The following GALNT13 variants were observed in gnomAD, a reference collection of about 807,000 sequenced individuals.
GALNT13 encodes polypeptide N-acetylgalactosaminyltransferase 13.
Under a neutral mutation model 64.2 loss-of-function variants are expected in GALNT13, and 28 were observed. The ratio of observed to expected loss-of-function variants is 0.44; its 90% CI spans 0.32 to 0.60. The LOEUF is 0.60. GALNT13 is among the 20% of genes least tolerant of loss of function. GALNT13 has a pLI of 0.05. For missense variants in GALNT13, 577 were observed against 669.8 expected, an observed-to-expected ratio of 0.86 and a Z score of 1.53; for synonymous variants, 214 against 224.6, an observed-to-expected ratio of 0.95 and a Z score of 0.42.
the GALNT13 span, among the ~76,000 whole-genome samples, chr2:153,361,707 A>C: frequency 6.6e-6 from 1 of 152,196 alleles, no homozygotes; most frequent in Non-Finnish European, 1.5e-5. Flanking sequence ...AAAACCTCTG[A>C]GAAATATGGG....
At chr2:153,071,899 C>T in the GALNT13 span, among the ~76,000 whole-genome samples, 2 of 152,130 alleles carry the variant, frequency 1.3e-5, no homozygotes, top group African/African-American at 2.4e-5. Flanking sequence ...ATAGTTCTAT[C>T]TGGTTCTTTA....
the GALNT13 span, among the ~76,000 whole-genome samples, chr2:153,253,801 G>T: frequency 6.6e-6 from 1 of 151,578 alleles, no homozygotes; most frequent in South Asian, 2.1e-4. Flanking sequence ...AATCAGCCCT[G>T]CATCCCAGGG....
intron 3 of GALNT13, among the ~76,000 whole-genome samples, chr2:154,038,767 A>T (rs145323368): frequency 1.5e-4 from 23 of 152,264 alleles, no homozygotes; most frequent in Middle Eastern, 6.8e-3. Context: ...CAAAAGGGAC[A>T]TTATAAGCTA....
At chr2:153,476,886 C>T in the GALNT13 span, among the ~76,000 whole-genome samples, 7 of 152,134 alleles carry the variant, frequency 4.6e-5, no homozygotes, top group Admixed American at 6.5e-5. Flanking sequence ...CGCCCCCCGG[C>T]CCCACCCGTG....
At chr2:153,362,710 C>T in the GALNT13 span, among the ~76,000 whole-genome samples, 2 of 152,146 alleles carry the variant, frequency 1.3e-5, no homozygotes, top group African/African-American at 2.4e-5. Context: ...TATATGCACC[C>T]AGTACAGGAG....
chr2:154,401,642 T>C (rs2194379), intron 10 of GALNT13, among the ~76,000 whole-genome samples: 99,300 of 152,040 alleles, frequency 0.65, 32,987 homozygotes, highest in Admixed American at 0.73. Context: ...AAATTCATTC[T>C]AATTTTATTA....
chr2:153,610,160 T>C, the GALNT13 span, among the ~76,000 whole-genome samples: 1 of 152,054 alleles, frequency 6.6e-6, no homozygotes, highest in Admixed American at 6.6e-5. Flanking sequence ...ATAAAGAAAT[T>C]GGGTTTTTGG....
chr2:154,077,653 A>G (rs1401203113), intron 3 of GALNT13, among the ~76,000 whole-genome samples: 2 of 151,534 alleles, frequency 1.3e-5, no homozygotes, highest in African/African-American at 4.8e-5. Context: ...TGTGGCAAGT[A>G]GTTTAAAATG....
chr2:153,256,300 C>T, the GALNT13 span, among the ~76,000 whole-genome samples: 6 of 152,210 alleles, frequency 3.9e-5, no homozygotes, highest in South Asian at 1.2e-3. Context: ...GTTCTCGAGC[C>T]TTGGTTTTCA....
chr2:154,418,612 A>C (rs531989794), intron 11 of GALNT13, among the ~76,000 whole-genome samples: 1 of 152,102 alleles, frequency 6.6e-6, no homozygotes, highest in East Asian at 1.9e-4. Context: ...CTGATACCTG[A>C]TTCCCACCCA....
chr2:153,265,155 C>G, the GALNT13 span, among the ~76,000 whole-genome samples: 1 of 152,114 alleles, frequency 6.6e-6, no homozygotes, highest in Non-Finnish European at 1.5e-5. Context: ...AGGGGTGATG[C>G]AAGCACTCCC....
the GALNT13 span, among the ~76,000 whole-genome samples, chr2:153,342,337 T>C: frequency 6.6e-6 from 1 of 152,160 alleles, no homozygotes; most frequent in African/African-American, 2.4e-5. Flanking sequence ...TTTTTGAGTT[T>C]GTGAATAATA....
the GALNT13 span, among the ~76,000 whole-genome samples, chr2:153,400,689 C>T: frequency 1.3e-5 from 2 of 152,154 alleles, no homozygotes; most frequent in African/African-American, 4.8e-5. Context: ...TCCATTTCTT[C>T]TAGATTTTGT....
chr2:153,277,812 G>C, the GALNT13 span, among the ~76,000 whole-genome samples: 10 of 151,004 alleles, frequency 6.6e-5, no homozygotes, highest in African/African-American at 2.4e-4. Context: ...TTTGCTGACT[G>C]CTTGTATGTC....
the GALNT13 span, among the ~76,000 whole-genome samples, chr2:153,502,700 C>A: frequency 6.6e-6 from 1 of 152,226 alleles, no homozygotes; most frequent in East Asian, 1.9e-4. Context: ...TACATTCCCA[C>A]CAACAATGTA....
At chr2:154,033,522 C>T (rs1698471693) in intron 3 of GALNT13, among the ~76,000 whole-genome samples, 2 of 151,712 alleles carry the variant, frequency 1.3e-5, no homozygotes, top group Non-Finnish European at 2.9e-5. Context: ...AGGTACTTCA[C>T]CAAAAAAAGA....
At chr2:153,435,623 C>A in the GALNT13 span, among the ~76,000 whole-genome samples, 4 of 151,834 alleles carry the variant, frequency 2.6e-5, no homozygotes, top group East Asian at 7.7e-4. Flanking sequence ...TGATTTGGCT[C>A]TCTGTTTGTC....
the GALNT13 span, among the ~76,000 whole-genome samples, chr2:153,666,299 A>G: frequency 1.2e-4 from 19 of 152,218 alleles, no homozygotes; most frequent in African/African-American, 4.1e-4. Flanking sequence ...TGGTGTGCAC[A>G]CACAATTACA....
At chr2:153,234,697 A>G in the GALNT13 span, among the ~76,000 whole-genome samples, 1 of 152,148 alleles carries the variant, frequency 6.6e-6, no homozygotes, top group Admixed American at 6.5e-5. Context: ...CTCATGTATT[A>G]CATGTGCTCT....
Sources: gnomAD v4.1 joint callset for allele counts (sites outside exome capture counted in the v4.1 genomes callset) on GRCh38, gnomAD v4.1.1 for gene constraint, MANE v1.5 for transcripts, NCBI Gene and HGNC (gene_info 2026-07-23, HGNC 2026-07-21) for gene names.